Variants in KIF3B observed in about 807,000 individuals in gnomAD.
The protein encoded by KIF3B is kinesin family member 3B.
In KIF3B, 38 loss-of-function variants were observed where a neutral mutation model predicts 74.3. That is an observed-to-expected ratio of 0.51 (90% CI 0.39 to 0.67). KIF3B has a LOEUF of 0.67. Ranked by LOEUF, KIF3B falls within the 30% of genes least tolerant of loss-of-function variation. KIF3B has a pLI of 0.00. For missense variants in KIF3B, 649 were observed against 932.0 expected, an observed-to-expected ratio of 0.70 and a Z score of 3.95; for synonymous variants, 326 against 342.5, an observed-to-expected ratio of 0.95 and a Z score of 0.53.
chr20:32,288,017 G>A (rs549882422), intron 1 of KIF3B, among the ~76,000 whole-genome samples: 1 of 150,864 alleles, frequency 6.6e-6, no homozygotes, highest in East Asian at 2.0e-4. Context: ...TGAGTACCTG[G>A]GATTACAGGT....
rs977082960 is a variant in KIF3B, at chr20:32,332,049, C to T, written c.*730C>T. 1 of 152,692 alleles carries T rather than the reference C, an allele frequency of 6.5e-6. No individual in the cohort carries two copies. The highest frequency in any genetic ancestry group is 2.4e-5 in the African/African-American group (1 of 41,456). The allele number at this position is 152,692 out of a possible 1,614,324, so 9.5% of individuals were successfully genotyped here. On this transcript the variant is annotated 3_prime_UTR_variant, in exon 9 of 9. Coordinates refer to ENST00000375712, the MANE Select transcript of KIF3B (RefSeq NM_004798.4). ...AATAGCTTCTTTAAAACCTCAAAAC[C>T]ATGACCATCCTGTCAAAGACCTAAG...
chr20:32,310,125 A>C lies in KIF3B; in HGVS notation c.348A>C (p.Arg116Ser). ...MEGIRGDPEK[R>S]GVIPNSFDHI... ...GAATCCGTGGTGACCCTGAAAAAAG[A>C]GGAGTCATTCCTAACTCATTTGACC... Residue 116 changes from arginine to serine, a missense_variant, in exon 2 of 9, where the codon AGA becomes AGC. By Grantham distance (110) the Arg-to-Ser change is moderately radical. This residue lies in a region of KIF3B where 363 missense variants were observed against 592.8 expected (regional missense o/e 0.61). Coordinates refer to ENST00000375712, the MANE Select transcript of KIF3B (RefSeq NM_004798.4). This position sits in a 1 kb window ranked among gnomAD's most constrained non-coding sequence, Gnocchi z 6.5. 1 of 1,614,196 alleles carries C rather than the reference A, an allele frequency of 6.2e-7. No homozygotes were observed. The highest frequency in any genetic ancestry group is 8.5e-7 in the Non-Finnish European group (1 of 1,180,028).
At chr20:32,296,122 CA>C (rs2047715992) in intron 1 of KIF3B, among the ~76,000 whole-genome samples, 1 of 151,860 alleles carries the variant, frequency 6.6e-6, no homozygotes, top group South Asian at 2.1e-4. Flanking sequence ...CTCGGCCTCC[CA>C]AAGTGCTGAG....
intron 2 of KIF3B, among the ~76,000 whole-genome samples, chr20:32,311,988 A>G (rs1281985556): frequency 6.6e-6 from 1 of 151,786 alleles, no homozygotes; most frequent in Non-Finnish European, 1.5e-5. Context: ...TTTTTAGTAG[A>G]GATGGGGTTT....
chr20:32,322,950 TTA>T (rs377226990), intron 5 of KIF3B, among the ~76,000 whole-genome samples: 20 of 38,168 alleles, frequency 5.2e-4, no homozygotes, highest in Non-Finnish European at 6.5e-4. Flanking sequence ...ATATACATAT[TTA>T]TATATATACA....
At chr20:32,311,302 C>A in intron 2 of KIF3B, 121 bp downstream of exon 2, 1 of 1,064,474 alleles carries the variant, frequency 9.4e-7, no homozygotes, top group Non-Finnish European at 1.3e-6. Context: ...GGATTTCCAA[C>A]AGCTCATGAT....
At chr20:32,325,197 G>A in intron 5 of KIF3B, among the ~76,000 whole-genome samples, 1 of 151,964 alleles carries the variant, frequency 6.6e-6, no homozygotes, top group Non-Finnish European at 1.5e-5. Context: ...TTTTGTTGTT[G>A]TTGTTGTTTG....
chr20:32,294,734 A>T (rs1488675035), intron 1 of KIF3B, among the ~76,000 whole-genome samples: 1 of 152,194 alleles, frequency 6.6e-6, no homozygotes, highest in Non-Finnish European at 1.5e-5. Context: ...CAGAAATTCA[A>T]AGCCAGACCT....
intron 5 of KIF3B, 22 bp from the exon 6 acceptor site, chr20:32,326,749 C>T (rs2122716966): frequency 1.1e-6 from 1 of 926,356 alleles, no homozygotes; most frequent in Non-Finnish European, 1.7e-6. Context: ...TCTGTTTTCA[C>T]CTGTTATGTG....
chr20:32,323,362 A>G (rs2047885967), intron 5 of KIF3B, among the ~76,000 whole-genome samples: 1 of 150,938 alleles, frequency 6.6e-6, no homozygotes, highest in South Asian at 2.1e-4. Context: ...AGTCTCTTAG[A>G]CTTATTTTAA....
chr20:32,311,933 C>G (rs1169936215), intron 2 of KIF3B, among the ~76,000 whole-genome samples: 6 of 150,730 alleles, frequency 4.0e-5, no homozygotes, highest in African/African-American at 1.5e-4. Context: ...CTCCAGAGTA[C>G]CTGGGATTAC....
At chr20:32,306,085 TGA>T (rs748438627) in intron 1 of KIF3B, among the ~76,000 whole-genome samples, 161 of 118,954 alleles carry the variant, frequency 1.4e-3, no homozygotes, top group Middle Eastern at 5.2e-3. Context: ...AGACTCCATC[TGA>T]AAAAAAAAAA....
chr20:32,320,535 T>A (rs1026820285), intron 5 of KIF3B, among the ~76,000 whole-genome samples: 5 of 150,444 alleles, frequency 3.3e-5, no homozygotes, highest in African/African-American at 1.2e-4. Context: ...TTTTTTTTTT[T>A]AGAGATAAGG....
At chr20:32,323,319 C>A (rs1358349364) in intron 5 of KIF3B, among the ~76,000 whole-genome samples, 1 of 150,324 alleles carries the variant, frequency 6.7e-6, no homozygotes, top group Non-Finnish European at 1.5e-5. Flanking sequence ...TTAAGATCTA[C>A]ATATTAGGAC....
intron 5 of KIF3B, among the ~76,000 whole-genome samples, chr20:32,319,617 G>A (rs1419320049): frequency 2.5e-5 from 3 of 120,410 alleles, no homozygotes; most frequent in Non-Finnish European, 3.2e-5. Flanking sequence ...TTGGAGTCTC[G>A]CTCTGTCATC....
rs745915882 is a variant in KIF3B, at chr20:32,332,682, A to G, written c.*1363A>G. On this transcript the variant is annotated 3_prime_UTR_variant, in exon 9 of 9. Transcript: ENST00000375712. The stretch of plus-strand genomic sequence containing the variant: ...CATAAGTGTGTGTGGGTGTGAGAGC[A>G]CGATGGTGCCTGTGTTCTGTGAATG... The G allele has an allele frequency of 5.3e-5, 8 of 152,238 alleles. No homozygotes were observed. The highest frequency in any genetic ancestry group is 1.0e-4 in the Non-Finnish European group (7 of 68,044). The allele number at this position is 152,238 out of a possible 1,614,324, so 9.4% of individuals were successfully genotyped here.
intron 1 of KIF3B, among the ~76,000 whole-genome samples, chr20:32,309,419 G>A (rs1261570618): frequency 6.6e-6 from 1 of 151,884 alleles, no homozygotes. Flanking sequence ...TCCCTGCCTC[G>A]GCCTCCCAGA....
At chr20:32,324,608 C>T (rs1014223596) in intron 5 of KIF3B, among the ~76,000 whole-genome samples, 2 of 152,174 alleles carry the variant, frequency 1.3e-5, no homozygotes, top group Non-Finnish European at 2.9e-5. Flanking sequence ...TTTCAGCCAA[C>T]AGATGATCTT....
At chr20:32,312,575 T>C (rs2047806738) in intron 2 of KIF3B, among the ~76,000 whole-genome samples, 1 of 152,230 alleles carries the variant, frequency 6.6e-6, no homozygotes, top group African/African-American at 2.4e-5. Flanking sequence ...TTTATGTAAA[T>C]GGAATCCCAC....
Sources: gnomAD v4.1 joint callset for allele counts (sites outside exome capture counted in the v4.1 genomes callset) on GRCh38, gnomAD v4.1.1 for gene constraint, gnomAD v4.1.1 regional missense constraint, Gnocchi (gnomAD v3.1) non-coding constraint, MANE v1.5 for transcripts, NCBI Gene and HGNC (gene_info 2026-07-23, HGNC 2026-07-21) for gene names.